Variants in KIF13B observed in about 807,000 individuals in gnomAD.
KIF13B encodes kinesin family member 13B, also known as kinesin-like protein KIF13B.
A neutral mutation model predicts 222.0 loss-of-function variants in KIF13B; 127 were observed. The ratio of observed to expected loss-of-function variants is 0.57; its 90% CI spans 0.50 to 0.66. The LOEUF (loss-of-function observed/expected upper bound fraction) is 0.66, where lower values mean the gene tolerates loss of function less well. Ranked by LOEUF, KIF13B falls within the 30% of genes least tolerant of loss-of-function variation. The pLI is 0.00. For synonymous variants in KIF13B, 976 were observed against 919.0 expected (o/e 1.06, Z -1.12); for missense variants, 2,173 against 2,379.0 (o/e 0.91, Z 1.80).
intron 31 of KIF13B, among the ~76,000 whole-genome samples, 171 bp from the exon 32 acceptor site, chr8:29,113,726 G>C (rs1225633886): frequency 6.6e-6 from 1 of 152,122 alleles, no homozygotes; most frequent in Non-Finnish European, 1.5e-5. Flanking sequence ...TTGTCCTATG[G>C]TACGAAACCA....
intron 35 of KIF13B, among the ~76,000 whole-genome samples, chr8:29,100,920 G>A (rs1037577108): frequency 6.6e-6 from 1 of 152,138 alleles, no homozygotes; most frequent in Non-Finnish European, 1.5e-5. Context: ...AGCCCTAAGT[G>A]ATCTGGGTCC....
rs1168413765 is a variant in KIF13B at position 29,118,160 on chromosome 8, T to TA, written c.3660+707dup. Among the ~76,000 whole-genome samples, 900 of 133,318 alleles carry TA rather than the reference T, an allele frequency of 6.8e-3. 14 individuals carry two copies. The highest frequency in any genetic ancestry group is 0.024 in the African/African-American group (836 of 35,108). The allele number at this position is 133,318 out of a possible 152,430, so 87.5% of individuals were successfully genotyped here. A position where few individuals can be genotyped will look rare whatever the true frequency, so the allele number is the denominator to read the frequency against. ...GCAACAGAGCAAGACTCCATCTCAA[T>TA]AAAAAAAAAATTAAAAAGTCCTTAC... On this transcript the variant is annotated intron_variant, in intron 30 of 39. Coordinates refer to ENST00000524189, the MANE Select transcript of KIF13B (RefSeq NM_015254.4).
At chr8:29,150,082 AT>A (rs1811231506) in intron 15 of KIF13B, among the ~76,000 whole-genome samples, 1 of 152,210 alleles carries the variant, frequency 6.6e-6, no homozygotes, top group African/African-American at 2.4e-5. Flanking sequence ...TAAACTCAGT[AT>A]TTTTCCAGAG....
intron 35 of KIF13B, among the ~76,000 whole-genome samples, chr8:29,103,493 A>AAT (rs1389273740): frequency 6.6e-6 from 1 of 152,212 alleles, no homozygotes; most frequent in Non-Finnish European, 1.5e-5. Context: ...GATAGCAATA[A>AAT]ATAGAAACAC....
chr8:29,075,290 C>T lies in KIF13B; in HGVS notation c.4512G>A (p.Arg1504=). ...GACCCAACAGACTCACCTCCTCCATCCTGGTCACCCTGATGTCCGGGCTGG... is the reference window on the plus strand; with the variant it reads ...GACCCAACAGACTCACCTCCTCCATTCTGGTCACCCTGATGTCCGGGCTGG... The part of the protein sequence containing the change: ...QSASPDIRVT[R]MEEAQPEMGP... The change falls in exon 38 of 40, where the codon AGG becomes AGA. Residue 1504 remains arginine (R), a synonymous_variant. Coordinates refer to ENST00000524189, the MANE Select transcript of KIF13B (RefSeq NM_015254.4). 1 of 1,556,282 alleles carries T rather than the reference C, an allele frequency of 6.4e-7. No homozygotes were observed. The highest frequency in any genetic ancestry group is 1.4e-5 in the African/African-American group (1 of 73,498).
At chr8:29,249,558 G>C (rs968600850) in intron 1 of KIF13B, among the ~76,000 whole-genome samples, 1 of 151,710 alleles carries the variant, frequency 6.6e-6, no homozygotes, top group African/African-American at 2.4e-5. Context: ...TTAAGAGTGT[G>C]TCCACTCTCA....
intron 2 of KIF13B, among the ~76,000 whole-genome samples, chr8:29,240,659 C>T (rs1039238334): frequency 2.0e-5 from 3 of 152,120 alleles, no homozygotes; most frequent in Non-Finnish European, 4.4e-5. Context: ...TACCAGAACG[C>T]GGGGTTCTAA....
At chr8:29,200,339 C>A (rs984789045) in intron 2 of KIF13B, among the ~76,000 whole-genome samples, 25 of 152,324 alleles carry the variant, frequency 1.6e-4, no homozygotes, top group African/African-American at 5.3e-4. Flanking sequence ...CCTCAACTAT[C>A]CAGATCACTG....
intron 1 of KIF13B, among the ~76,000 whole-genome samples, chr8:29,253,249 T>C (rs1816346505): frequency 6.6e-6 from 1 of 151,670 alleles, no homozygotes; most frequent in Non-Finnish European, 1.5e-5. Context: ...GAGGCTGAGA[T>C]GGAAGGATCA....
At chr8:29,256,763 T>C (rs1373457036) in intron 1 of KIF13B, among the ~76,000 whole-genome samples, 1 of 152,154 alleles carries the variant, frequency 6.6e-6, no homozygotes, top group Non-Finnish European at 1.5e-5. Context: ...TGTTTGTTTG[T>C]TTGTTTGTTT....
Position 29,140,196 on chromosome 8 carries a change from A to G in KIF13B, c.2485-5T>C, listed in dbSNP as rs772226944. 7.4e-6 allele frequency: 12 copies of G among 1,613,510 alleles called. No homozygotes were observed. Among genetic ancestry groups the G allele is most frequent in the Non-Finnish European group, 9.3e-6 (11 of 1,179,808 alleles). ...CACGTGCAGCCGACCTGCCACCTGCAGCAATGAGGGAAGGCAGAAACATTT... is the reference window on the plus strand; with the variant it reads ...CACGTGCAGCCGACCTGCCACCTGCGGCAATGAGGGAAGGCAGAAACATTT... On this transcript the variant is annotated splice_polypyrimidine_tract_variant and splice_region_variant and intron_variant, in intron 20 of 39. Coordinates refer to ENST00000524189, the MANE Select transcript of KIF13B (RefSeq NM_015254.4).
At chr8:29,244,939 G>A (rs78019106) in intron 2 of KIF13B, among the ~76,000 whole-genome samples, 2,480 of 152,262 alleles carry the variant, frequency 0.016, 62 homozygotes, top group African/African-American at 0.057. Flanking sequence ...ACATCACTGC[G>A]GGCTGCAGGC....
intron 14 of KIF13B, among the ~76,000 whole-genome samples, chr8:29,154,656 G>A (rs1018065040): frequency 1.3e-4 from 20 of 152,148 alleles, no homozygotes; most frequent in Non-Finnish European, 2.5e-4. Flanking sequence ...TTCTTTGGGT[G>A]GCACAGTGAC....
chr8:29,179,908 C>G (rs1812639818), intron 8 of KIF13B, among the ~76,000 whole-genome samples, 196 bp downstream of exon 8: 1 of 152,170 alleles, frequency 6.6e-6, no homozygotes, highest in Admixed American at 6.5e-5. Context: ...GATGTCCCAA[C>G]AACCCTGGAA....
Position 29,099,179 on chromosome 8 carries a change from G to C in KIF13B, c.4278C>G (p.Ala1426=). 2 of 1,613,582 alleles carry C rather than the reference G, an allele frequency of 1.2e-6. No individual in the cohort carries two copies. The highest frequency in any genetic ancestry group is 1.7e-6 in the Non-Finnish European group (2 of 1,179,676). ...TTTGGGGAGAAACAGAGAGGGCGGG[G>C]GCAGGAGCTATTCCTCTGGAAACTG... ...QTTVSRGIAP[A]PALSVSPQNN... The change falls in exon 36 of 40, where the codon GCC becomes GCG. Residue 1426 remains alanine, a synonymous_variant. Transcript: ENST00000524189.
chr8:29,177,762 T>C (rs1362748730), intron 8 of KIF13B, among the ~76,000 whole-genome samples, 184 bp from the exon 9 acceptor site: 4 of 152,042 alleles, frequency 2.6e-5, no homozygotes, highest in Non-Finnish European at 4.4e-5. Flanking sequence ...TAAATAAAAA[T>C]AGCTGGCCAT....
chr8:29,103,221 G>T (rs772012957), intron 35 of KIF13B, among the ~76,000 whole-genome samples: 2 of 135,300 alleles, frequency 1.5e-5, no homozygotes, highest in African/African-American at 5.5e-5. Context: ...CGGCCTGGGC[G>T]AAAGAGTGAG....
At chr8:29,117,149 A>T in intron 30 of KIF13B, 142 bp from the exon 31 acceptor site, 1 of 608,452 alleles carries the variant, frequency 1.6e-6, no homozygotes, top group Non-Finnish European at 2.7e-6. Context: ...CCCTGAAAAG[A>T]CAATGGAGTG....
chr8:29,154,788 A>C (rs947461225), intron 14 of KIF13B, among the ~76,000 whole-genome samples: 14 of 152,284 alleles, frequency 9.2e-5, no homozygotes, highest in African/African-American at 3.4e-4. Flanking sequence ...GCCTCATTAG[A>C]GAACAGCACA....
Sources: allele counts gnomAD v4.1 joint callset (sites outside exome capture counted in the v4.1 genomes callset), GRCh38; gene constraint gnomAD v4.1.1; transcripts MANE v1.5; gene names NCBI Gene and HGNC (gene_info 2026-07-23, HGNC 2026-07-21).